PCSK4: variants seen among roughly 807,000 people sequenced by gnomAD.
The protein encoded by PCSK4 is testicular tissue protein Li 135.
PCSK4 carries 64 observed loss-of-function variants against 80.3 expected under a neutral mutation model. The ratio of observed to expected loss-of-function variants is 0.80; its 90% CI spans 0.65 to 0.98. PCSK4 has a LOEUF of 0.98. PCSK4 is among the 50% of genes least tolerant of loss of function. The pLI, the probability that PCSK4 is intolerant of heterozygous loss-of-function variation, is 0.00. For synonymous variants in PCSK4, 561 were observed against 487.6 expected (o/e 1.15, Z -1.98); for missense variants, 1,213 against 1,093.6 (o/e 1.11, Z -1.54).
At chr19:1,490,384 C>T in exon 1 of PCSK4, 2 of 796,976 alleles carry the variant, frequency 2.5e-6, no homozygotes, top group Non-Finnish European at 1.9e-6. Flanking sequence ...CAAATCCCCT[C>T]CCTCCCGCCA....
At chr19:1,489,574 A>C in intron 2 of PCSK4, 1 of 740,064 alleles carries the variant, frequency 1.4e-6, no homozygotes, top group Non-Finnish European at 2.1e-6. Flanking sequence ...GGGGAGGACA[A>C]GAGGTGCCCA....
chr19:1,490,343 G>T (rs1202287192), exon 1 of PCSK4: 11 of 1,217,812 alleles, frequency 9.0e-6, no homozygotes, highest in Non-Finnish European at 1.0e-5. Flanking sequence ...GGGGCGGGCC[G>T]CATGGAGGCG....
rs1264014804 is a variant in PCSK4 at position 1,482,258 on chromosome 19, G to A, written c.1820-51C>T. 2.6e-6 allele frequency: 4 copies of A among 1,525,712 alleles called. No homozygotes were observed. In the East Asian group the frequency reaches 7.4e-5, roughly 28 times the overall value. The allele number at this position is 1,525,712 out of a possible 1,614,324, so 94.5% of individuals were successfully genotyped here. A position where few individuals can be genotyped will look rare whatever the true frequency, so the allele number is the denominator to read the frequency against. ...CCCGTCAGCTTGCCACCCGCAGCCTGTTACTCGCCACCCGCCCGCCTGGGG... is the reference window on the plus strand; with the variant it reads ...CCCGTCAGCTTGCCACCCGCAGCCTATTACTCGCCACCCGCCCGCCTGGGG... On this transcript the variant is annotated intron_variant, in intron 14 of 14. Coordinates refer to ENST00000300954, the Ensembl canonical transcript of PCSK4.
At position 1,483,780 on chromosome 19, in the gene PCSK4, G is replaced by C. The variant is rs1020244419; in HGVS notation, c.1274-13C>G. ...TAGTGATGGCTCACTGCGCGGAAGG[G>C]CAGCAGTCACTCGCCCCGTGGGCCC... On this transcript the variant is annotated splice_polypyrimidine_tract_variant and intron_variant, in intron 10 of 14. Coordinates refer to ENST00000300954, the Ensembl canonical transcript of PCSK4. The C allele has an allele frequency of 6.4e-7, 1 of 1,567,412 alleles. No individual in the cohort carries two copies. Among genetic ancestry groups the C allele is most frequent in the Admixed American group, 1.8e-5 (1 of 56,884 alleles).
intron 2 of PCSK4, chr19:1,489,512 G>T (rs1044132040): frequency 1.1e-5 from 5 of 456,098 alleles, no homozygotes; most frequent in Non-Finnish European, 1.6e-5. Context: ...CGGTGGGGAA[G>T]TCACGCCGTC....
At chr19:1,487,620 A>G in exon 6 of PCSK4, 1 of 1,552,512 alleles carries the variant, frequency 6.4e-7, no homozygotes, top group African/African-American at 1.4e-5. Flanking sequence ...TCGGGCGTTG[A>G]AAGCGACCCC....
chr19:1,484,305 T>C (rs2084488760), intron 8 of PCSK4, among the ~76,000 whole-genome samples, 178 bp from the exon 9 acceptor site: 1 of 146,118 alleles, frequency 6.8e-6, no homozygotes, highest in South Asian at 2.2e-4. Context: ...CTGGTCAACA[T>C]AGTGAAACCC....
exon 12 of PCSK4, chr19:1,483,306 G>A (rs745689416): frequency 4.4e-6 from 7 of 1,604,924 alleles, no homozygotes; most frequent in Non-Finnish European, 5.1e-6. Context: ...AGTGTGGAGC[G>A]CGTGCCCATG....
exon 11 of PCSK4, chr19:1,483,746 C>T (rs2084443679): frequency 5.0e-6 from 8 of 1,593,094 alleles, no homozygotes; most frequent in Non-Finnish European, 6.8e-6. Context: ...GTCCAGCAGC[C>T]CGTATCCGTA....
rs2145346217 is a variant in PCSK4, at chr19:1,483,763, G to A, written c.1278C>T (p.Ser426=). ...CCAGCAGCCCGTATCCGTAGTGATG[G>A]CTCACTGCGCGGAAGGGCAGCAGTC... Residue 426 remains serine, a synonymous_variant, in exon 11 of 15, where the codon AGC becomes AGT. Coordinates refer to ENST00000300954, the Ensembl canonical transcript of PCSK4. 7 of 1,584,456 alleles carry A rather than the reference G, an allele frequency of 4.4e-6. No homozygotes were observed. The South Asian group carries it at 7.8e-5, about 18-fold the overall frequency.
rs565738512 is a variant in PCSK4 at position 1,485,591 on chromosome 19, G to T, written c.1068+1262C>A. 2.3e-3 allele frequency among the ~76,000 whole-genome samples: 352 copies of T among 151,720 alleles called. 1 individual carries two copies. The highest frequency in any genetic ancestry group is 3.5e-3 in the Admixed American group (54 of 15,230). On this transcript the variant is annotated intron_variant, in intron 8 of 14. Coordinates refer to ENST00000300954, the Ensembl canonical transcript of PCSK4. ...TCCATCTCAAAAGAAAAAAGAAAGT[G>T]CTGGGCACTGTGGCTCACACCTGTA...
chr19:1,487,480 T>G, intron 6 of PCSK4, 123 bp downstream of exon 6: 1 of 1,036,236 alleles, frequency 9.7e-7, no homozygotes, highest in South Asian at 1.5e-5. Flanking sequence ...CCCTGGAGTC[T>G]GGGGCCCTAG....
At position 1,487,081 on chromosome 19, in the gene PCSK4, G is replaced by C; in HGVS notation, c.856-16C>G. 1 of 1,603,040 alleles carries C rather than the reference G, an allele frequency of 6.2e-7. No individual in the cohort carries two copies. Among genetic ancestry groups the C allele is most frequent in the South Asian group, 1.1e-5 (1 of 90,972 alleles). On this transcript the variant is annotated splice_polypyrimidine_tract_variant and intron_variant, in intron 7 of 14. Transcript: ENST00000300954. ...CGCCGCGGCCCTGGGAAACCAGGAGGGGCGGGGAGGGGGCGTCGGCCTGGC... is the reference window on the plus strand; with the variant it reads ...CGCCGCGGCCCTGGGAAACCAGGAGCGGCGGGGAGGGGGCGTCGGCCTGGC...
At position 1,483,748 on chromosome 19, in the gene PCSK4, G is replaced by T; in HGVS notation, c.1293C>A (p.Tyr431Ter). ...CCAGCAGCCCGGCGTCCAGCAGCCCGTATCCGTAGTGATGGCTCACTGCGC... is the reference window on the plus strand; with the variant it reads ...CCAGCAGCCCGGCGTCCAGCAGCCCTTATCCGTAGTGATGGCTCACTGCGC... The change falls in exon 11 of 15, where the codon TAC becomes TAA. Residue 431 changes from tyrosine to a stop codon, truncating the protein, a stop_gained. Transcript: ENST00000300954. LOFTEE classifies it high-confidence loss of function. 1 of 1,590,982 alleles carries T rather than the reference G, an allele frequency of 6.3e-7. No homozygotes were observed. Among genetic ancestry groups the T allele is most frequent in the Non-Finnish European group, 8.5e-7 (1 of 1,175,902 alleles).
Position 1,482,211 on chromosome 19 carries a change from C to A in PCSK4, c.1820-4G>T. 6.5e-7 allele frequency: 1 copy of A among 1,530,584 alleles called. No homozygotes were observed. The allele number at this position is 1,530,584 out of a possible 1,614,324, so 94.8% of individuals were successfully genotyped here. ...ATGTAGGCGGGGCCGTCACACGCTG[C>A]TCGGGGACACGCACGCAAAGGCCCG... is the stretch of plus-strand genomic sequence containing the variant. On this transcript the variant is annotated splice_region_variant and splice_polypyrimidine_tract_variant and intron_variant, in intron 14 of 14. Transcript: ENST00000300954.
chr19:1,482,523 C>T (rs768173213), intron 13 of PCSK4, 48 bp from the exon 14 acceptor site: 1 of 1,571,146 alleles, frequency 6.4e-7, no homozygotes, highest in South Asian at 1.1e-5. Context: ...AGGCTCTCGG[C>T]AGCCTGGTCC....
At chr19:1,484,604 G>A (rs546565045) in intron 8 of PCSK4, among the ~76,000 whole-genome samples, 2 of 151,926 alleles carry the variant, frequency 1.3e-5, no homozygotes, top group African/African-American at 4.8e-5. Context: ...GATCACCGGA[G>A]GTCAGGAGTT....
Position 1,487,130 on chromosome 19 carries a change from C to G in PCSK4, c.855+11G>C. 6.2e-7 allele frequency: 1 copy of G among 1,603,314 alleles called. No homozygotes were observed. Among genetic ancestry groups the G allele is most frequent in the East Asian group, 2.2e-5 (1 of 44,764 alleles). ...GCCTGCCACCCCTGCCCTCCTCGGG[C>G]TGCCACTCACCTTGGTCACACCACG... On this transcript the variant is annotated intron_variant, in intron 7 of 14. Transcript: ENST00000300954.
chr19:1,483,247 G>T (rs114410467), intron 12 of PCSK4, 37 bp downstream of exon 12: 7 of 1,503,612 alleles, frequency 4.7e-6, no homozygotes, highest in Non-Finnish European at 6.2e-6. Flanking sequence ...TACCGACAGG[G>T]CATGAGGCCG....
Sources: allele counts gnomAD v4.1 joint callset (sites outside exome capture counted in the v4.1 genomes callset), GRCh38; gene constraint gnomAD v4.1.1; transcripts MANE v1.5; gene names NCBI Gene and HGNC (gene_info 2026-07-23, HGNC 2026-07-21).